SIPA1L3: variants seen among roughly 807,000 people sequenced by gnomAD.
The protein encoded by SIPA1L3 is signal-induced proliferation-associated 1-like protein 3.
Under a neutral mutation model 150.1 loss-of-function variants are expected in SIPA1L3, and 59 were observed. That is an observed-to-expected ratio of 0.39 (90% CI 0.32 to 0.49). The LOEUF (loss-of-function observed/expected upper bound fraction) is 0.49, where lower values mean the gene tolerates loss of function less well. SIPA1L3 is among the 20% of genes least tolerant of loss of function. The pLI, the probability that SIPA1L3 is intolerant of heterozygous loss-of-function variation, is 0.86. For missense variants in SIPA1L3, 2,211 were observed against 2,489.5 expected, an observed-to-expected ratio of 0.89 and a Z score of 2.38; for synonymous variants, 1,070 against 1,077.6, an observed-to-expected ratio of 0.99 and a Z score of 0.14.
intron 6 of SIPA1L3, among the ~76,000 whole-genome samples, chr19:38,103,147 A>C (rs1409533467): frequency 6.6e-6 from 1 of 151,868 alleles, no homozygotes; most frequent in South Asian, 2.1e-4. Context: ...AAAAAAAAAA[A>C]AACAAGGGAA....
At chr19:37,982,498 C>T (rs987697927) in intron 1 of SIPA1L3, among the ~76,000 whole-genome samples, 2 of 152,196 alleles carry the variant, frequency 1.3e-5, no homozygotes, top group African/African-American at 4.8e-5. Flanking sequence ...CTCATGTAAT[C>T]CTCGCAGTAG....
intron 12 of SIPA1L3, among the ~76,000 whole-genome samples, chr19:38,143,338 C>A (rs879693863): frequency 1.3e-5 from 2 of 152,102 alleles, no homozygotes; most frequent in Non-Finnish European, 2.9e-5. Context: ...AGTCCTTGGG[C>A]CTGAGCTGTG....
At chr19:37,914,179 G>T (rs1352328925) in intron 1 of SIPA1L3, among the ~76,000 whole-genome samples, 10 of 152,208 alleles carry the variant, frequency 6.6e-5, no homozygotes, top group Non-Finnish European at 8.8e-5. Context: ...GGCCTCCCAG[G>T]CCTCTTTGAG....
chr19:38,104,814 A>G (rs1970584319), intron 6 of SIPA1L3, among the ~76,000 whole-genome samples: 1 of 151,392 alleles, frequency 6.6e-6, no homozygotes, highest in Non-Finnish European at 1.5e-5. Flanking sequence ...CAGGTGATCC[A>G]CCCACCTCGG....
intron 1 of SIPA1L3, 161 bp downstream of exon 1, chr19:37,907,519 G>C (rs963668417): frequency 2.0e-5 from 3 of 152,276 alleles, no homozygotes; most frequent in Non-Finnish European, 2.9e-5. Flanking sequence ...AGCCGGACTC[G>C]TGCCCGCATG....
chr19:38,098,237 A>G (rs1287966077), intron 4 of SIPA1L3, among the ~76,000 whole-genome samples: 1 of 152,156 alleles, frequency 6.6e-6, no homozygotes, highest in Non-Finnish European at 1.5e-5. Context: ...TAATCATCTA[A>G]TAAGTCTGGA....
chr19:38,105,997 G>T (rs1275802263), intron 6 of SIPA1L3, among the ~76,000 whole-genome samples: 6 of 152,170 alleles, frequency 3.9e-5, no homozygotes, highest in Non-Finnish European at 1.5e-5. Flanking sequence ...CACCTCAAGG[G>T]TTCCATTTGC....
At chr19:37,984,121 C>T (rs564113771) in intron 1 of SIPA1L3, among the ~76,000 whole-genome samples, 16 of 152,158 alleles carry the variant, frequency 1.1e-4, no homozygotes, top group Non-Finnish European at 1.9e-4. Flanking sequence ...CGCTGTCCTT[C>T]CAGTCTCAGG....
intron 1 of SIPA1L3, among the ~76,000 whole-genome samples, chr19:37,970,311 A>G (rs1449626774): frequency 6.6e-6 from 1 of 152,184 alleles, no homozygotes; most frequent in Non-Finnish European, 1.5e-5. Flanking sequence ...TGGAGATGGT[A>G]TATCTCCCAA....
intron 1 of SIPA1L3, among the ~76,000 whole-genome samples, chr19:37,976,179 G>A (rs1278387450): frequency 6.6e-6 from 1 of 151,754 alleles, no homozygotes; most frequent in African/African-American, 2.4e-5. Context: ...GATGCTGACT[G>A]ACCTATGCAC....
chr19:38,061,252 T>TG (rs1293272551), intron 2 of SIPA1L3, among the ~76,000 whole-genome samples: 2 of 151,420 alleles, frequency 1.3e-5, no homozygotes, highest in Non-Finnish European at 2.9e-5. Context: ...TTTTTAGAGA[T>TG]GGGGTCTCGC....
At chr19:38,012,043 CTG>C (rs1304763465) in intron 1 of SIPA1L3, among the ~76,000 whole-genome samples, 2 of 151,090 alleles carry the variant, frequency 1.3e-5, no homozygotes, top group African/African-American at 2.4e-5. Context: ...AGGTTGTCTC[CTG>C]TGTCTCCCAA....
chr19:38,062,621 A>T lies in SIPA1L3; in HGVS notation c.-310-18635A>T, dbSNP rs578075109. ...TTGCTCTCATTTTATTATTATTATT[A>T]TTTTTTTTTTTGAGAAAGAGTCTCA... On this transcript the variant is annotated intron_variant, in intron 2 of 21. Transcript: ENST00000222345. Among the ~76,000 whole-genome samples the T allele has an allele frequency of 5.6e-3, 741 of 132,352 alleles. 5 individuals carry two copies. Among genetic ancestry groups the T allele is most frequent in the African/African-American group, 0.017 (584 of 33,664 alleles). 86.8% of individuals were successfully genotyped at this position (132,352 alleles called of 152,430 possible).
intron 1 of SIPA1L3, among the ~76,000 whole-genome samples, chr19:37,956,487 G>T (rs60450113): frequency 0.3 from 40,488 of 132,776 alleles, 7,659 homozygotes; most frequent in East Asian, 0.68. Flanking sequence ...TAAAAGTTTT[G>T]TTTTTTTTTT....
At chr19:38,061,179 CA>C (rs1363967213) in intron 2 of SIPA1L3, among the ~76,000 whole-genome samples, 5 of 151,932 alleles carry the variant, frequency 3.3e-5, no homozygotes, top group Non-Finnish European at 7.4e-5. Flanking sequence ...GACAATGCGG[CA>C]CATGCCAGTG....
At chr19:38,158,174 A>G (rs1971992603) in intron 13 of SIPA1L3, among the ~76,000 whole-genome samples, 1 of 152,218 alleles carries the variant, frequency 6.6e-6, no homozygotes, top group African/African-American at 2.4e-5. Flanking sequence ...TGGAGGTTGC[A>G]GTGAGCCGAG....
intron 2 of SIPA1L3, among the ~76,000 whole-genome samples, chr19:38,030,623 A>AATATATATATATATATATATATATATAT (rs757828313): frequency 4.7e-5 from 2 of 42,630 alleles, no homozygotes; most frequent in Admixed American, 3.5e-4. Context: ...ATATGTGGCA[A>AATATATATATATATATATATATATATAT]ATATATATAT....
chr19:38,018,182 T>TTTTTTTTTTTG (rs1369224810), intron 1 of SIPA1L3, among the ~76,000 whole-genome samples: 1 of 147,404 alleles, frequency 6.8e-6, no homozygotes, highest in African/African-American at 2.5e-5. Context: ...TTTTTTTTTT[T>TTTTTTTTTTTG]AGGCAGAGTC....
chr19:37,920,578 T>C (rs1399763147), intron 1 of SIPA1L3, among the ~76,000 whole-genome samples: 1 of 152,204 alleles, frequency 6.6e-6, no homozygotes, highest in Non-Finnish European at 1.5e-5. Flanking sequence ...TGTTTTGAAA[T>C]GTATCATCAT....
Sources: gnomAD v4.1 joint callset for allele counts (sites outside exome capture counted in the v4.1 genomes callset) on GRCh38, gnomAD v4.1.1 for gene constraint, MANE v1.5 for transcripts, NCBI Gene and HGNC (gene_info 2026-07-23, HGNC 2026-07-21) for gene names.